Variants in ARHGAP42 observed in about 807,000 individuals in gnomAD.
ARHGAP42 encodes the protein rho GTPase-activating protein 42.
A neutral mutation model predicts 125.0 loss-of-function variants in ARHGAP42; 63 were observed. The observed-to-expected ratio is 0.50, with a 90% CI of 0.41 to 0.62. ARHGAP42 has a LOEUF of 0.62. Among genes scored for constraint, ARHGAP42 ranks in the 20% least tolerant of loss-of-function variants. ARHGAP42 has a pLI of 0.00. For synonymous variants in ARHGAP42, 339 were observed against 351.0 expected, an observed-to-expected ratio of 0.97 and a Z score of 0.38; for missense variants, 766 against 1,024.2, an observed-to-expected ratio of 0.75 and a Z score of 3.44.
At chr11:100,835,049 A>G (rs561267) in intron 3 of ARHGAP42, among the ~76,000 whole-genome samples, 15,550 of 152,062 alleles carry the variant, frequency 0.1, 871 homozygotes, top group East Asian at 0.26. Flanking sequence ...TAGATTGCAC[A>G]TTTTCCTATA....
intron 1 of ARHGAP42, among the ~76,000 whole-genome samples, chr11:100,724,176 C>T (rs1861814374): frequency 6.6e-6 from 1 of 152,046 alleles, no homozygotes; most frequent in Non-Finnish European, 1.5e-5. Flanking sequence ...ATAAATCTCA[C>T]TTGGTGGGGG....
chr11:100,961,490 T>G (rs555952046), intron 14 of ARHGAP42, among the ~76,000 whole-genome samples, 194 bp from the exon 15 acceptor site: 2 of 152,314 alleles, frequency 1.3e-5, no homozygotes, highest in South Asian at 4.1e-4. Flanking sequence ...ACTTATTTCA[T>G]AAGATATATC....
chr11:100,975,636 T>C (rs1354967767), intron 19 of ARHGAP42, among the ~76,000 whole-genome samples: 2 of 152,102 alleles, frequency 1.3e-5, no homozygotes, highest in African/African-American at 4.8e-5. Flanking sequence ...ATCAGAAAAG[T>C]AAAAGAAAGC....
chr11:100,946,515 C>T (rs1868023334), intron 10 of ARHGAP42, among the ~76,000 whole-genome samples: 1 of 152,024 alleles, frequency 6.6e-6, no homozygotes, highest in African/African-American at 2.4e-5. Context: ...TGTGAATCTT[C>T]CTTTCCCTTG....
chr11:100,703,566 A>C (rs772564959), intron 1 of ARHGAP42, among the ~76,000 whole-genome samples: 2 of 152,262 alleles, frequency 1.3e-5, no homozygotes, highest in Non-Finnish European at 2.9e-5. Context: ...TCCCACTCAA[A>C]TTAGATCTGC....
chr11:100,912,774 C>G (rs1485044322), intron 4 of ARHGAP42, among the ~76,000 whole-genome samples: 1 of 152,168 alleles, frequency 6.6e-6, no homozygotes, highest in Non-Finnish European at 1.5e-5. Flanking sequence ...TTCCCCAAAA[C>G]TCCAACATAT....
chr11:100,825,119 A>G (rs1483364688), intron 3 of ARHGAP42, among the ~76,000 whole-genome samples: 2 of 152,242 alleles, frequency 1.3e-5, no homozygotes, highest in Non-Finnish European at 2.9e-5. Context: ...TGATAAAATT[A>G]ACAATGAGTA....
chr11:100,705,309 A>G (rs920765912), intron 1 of ARHGAP42, among the ~76,000 whole-genome samples: 6 of 152,246 alleles, frequency 3.9e-5, no homozygotes, highest in African/African-American at 7.2e-5. Context: ...AAGTAGGATC[A>G]TTGAAGATTT....
chr11:100,914,376 T>C (rs1291340599), intron 5 of ARHGAP42, among the ~76,000 whole-genome samples: 5 of 152,192 alleles, frequency 3.3e-5, no homozygotes, highest in African/African-American at 1.2e-4. Context: ...ATTGGTAGTG[T>C]TTTAACTATA....
chr11:100,716,599 A>C (rs1861664996), intron 1 of ARHGAP42, among the ~76,000 whole-genome samples: 1 of 152,198 alleles, frequency 6.6e-6, no homozygotes, highest in Non-Finnish European at 1.5e-5. Context: ...TATATCGTAT[A>C]GGGTAAAAGC....
chr11:100,914,623 C>A (rs965346744), intron 5 of ARHGAP42, among the ~76,000 whole-genome samples: 22 of 152,070 alleles, frequency 1.4e-4, no homozygotes, highest in African/African-American at 4.3e-4. Context: ...GGTAGCTCAC[C>A]CGCAGCTCAA....
At chr11:100,767,692 G>A (rs1205706287) in intron 1 of ARHGAP42, among the ~76,000 whole-genome samples, 1 of 152,084 alleles carries the variant, frequency 6.6e-6, no homozygotes, top group African/African-American at 2.4e-5. Flanking sequence ...CCATCGAAGG[G>A]TTCCCAAGCA....
chr11:100,833,839 T>G (rs1591220750), intron 3 of ARHGAP42, among the ~76,000 whole-genome samples: 1 of 152,210 alleles, frequency 6.6e-6, no homozygotes, highest in Admixed American at 6.5e-5. Context: ...AATTGGGCTG[T>G]ACCTCTTGAT....
intron 1 of ARHGAP42, among the ~76,000 whole-genome samples, chr11:100,712,571 T>C (rs1861582674): frequency 6.6e-6 from 1 of 152,032 alleles, no homozygotes; most frequent in African/African-American, 2.4e-5. Context: ...GAGAACTGAG[T>C]GGCAGGTGGT....
At chr11:100,695,317 C>T (rs748556271) in intron 1 of ARHGAP42, among the ~76,000 whole-genome samples, 1 of 152,122 alleles carries the variant, frequency 6.6e-6, no homozygotes, top group Non-Finnish European at 1.5e-5. Context: ...GTAGATTCTT[C>T]TCTCTAGGAT....
Position 100,920,895 on chromosome 11 carries a change from C to T in ARHGAP42, c.487-599C>T, listed in dbSNP as rs569055640. Among the ~76,000 whole-genome samples the T allele has an allele frequency of 2.0e-4, 30 of 152,098 alleles. No homozygotes were observed. The East Asian group carries it at 5.4e-3, about 27-fold the overall frequency. ...TGAGGTGGCTCTCCTGCTTAATATT[C>T]TTAGATGCTTCTCCCACCATTAAAA... On this transcript the variant is annotated intron_variant, in intron 5 of 23. Transcript: ENST00000298815.
intron 1 of ARHGAP42, among the ~76,000 whole-genome samples, chr11:100,742,285 T>C (rs1419344918): frequency 6.6e-6 from 1 of 152,186 alleles, no homozygotes; most frequent in Non-Finnish European, 1.5e-5. Context: ...CTTCCTTCAT[T>C]TCCTTGGAAA....
At chr11:100,734,368 C>A (rs138409362) in intron 1 of ARHGAP42, among the ~76,000 whole-genome samples, 1,681 of 152,208 alleles carry the variant, frequency 0.011, 16 homozygotes, top group African/African-American at 0.02. Flanking sequence ...CAACCTCTGC[C>A]TCCCGGGTTC....
chr11:100,800,420 G>A (rs1863822804), intron 3 of ARHGAP42, among the ~76,000 whole-genome samples: 1 of 152,138 alleles, frequency 6.6e-6, no homozygotes, highest in Non-Finnish European at 1.5e-5. Flanking sequence ...GATGAGATTA[G>A]GATGTAGCTG....
Sources: gnomAD v4.1 joint callset for allele counts (sites outside exome capture counted in the v4.1 genomes callset) on GRCh38, gnomAD v4.1.1 for gene constraint, MANE v1.5 for transcripts, NCBI Gene and HGNC (gene_info 2026-07-23, HGNC 2026-07-21) for gene names.